TBC1D19: variants seen among roughly 807,000 people sequenced by gnomAD.
TBC1D19 encodes TBC1 domain family member 19.
TBC1D19 carries 60 observed loss-of-function variants against 89.0 expected under a neutral mutation model. The ratio of observed to expected loss-of-function variants is 0.67; its 90% CI spans 0.55 to 0.84. The LOEUF (loss-of-function observed/expected upper bound fraction) is 0.84. Among genes scored for constraint, TBC1D19 ranks in the 40% least tolerant of loss-of-function variants. TBC1D19 has a pLI of 0.00. For synonymous variants in TBC1D19, 189 were observed against 199.7 expected, an observed-to-expected ratio of 0.95 and a Z score of 0.45; for missense variants, 500 against 610.8, an observed-to-expected ratio of 0.82 and a Z score of 1.91.
the TBC1D19 span, among the ~76,000 whole-genome samples, chr4:26,825,659 C>T: frequency 6.6e-6 from 1 of 152,142 alleles, no homozygotes; most frequent in African/African-American, 2.4e-5. Context: ...TGTGGTTATA[C>T]TAGTTAAGTA....
intron 13 of TBC1D19, among the ~76,000 whole-genome samples, chr4:26,694,277 G>T (rs565012080): frequency 1.2e-4 from 19 of 152,148 alleles, no homozygotes; most frequent in Non-Finnish European, 2.5e-4. Flanking sequence ...AGGGTCCTAC[G>T]CCCACAGAGC....
At chr4:26,591,450 T>C (rs1050514800) in intron 1 of TBC1D19, among the ~76,000 whole-genome samples, 9 of 151,950 alleles carry the variant, frequency 5.9e-5, no homozygotes, top group African/African-American at 1.7e-4. Flanking sequence ...CAATTCCCCT[T>C]GAGAAAGAGA....
the TBC1D19 span, among the ~76,000 whole-genome samples, chr4:26,848,518 A>G: frequency 5.3e-5 from 8 of 152,242 alleles, no homozygotes; most frequent in Non-Finnish European, 7.3e-5. Context: ...TTGTATCTGT[A>G]GAACCACCAT....
chr4:26,720,202 A>G, intron 15 of TBC1D19, 77 bp downstream of exon 15: 1 of 1,043,410 alleles, frequency 9.6e-7, no homozygotes, highest in Non-Finnish European at 1.4e-6. Flanking sequence ...TGACTTTCTT[A>G]TTCTCTTTAA....
chr4:26,746,943 G>C (rs941355003), intron 18 of TBC1D19, among the ~76,000 whole-genome samples: 1 of 152,166 alleles, frequency 6.6e-6, no homozygotes, highest in Non-Finnish European at 1.5e-5. Flanking sequence ...TGGGTAGCAC[G>C]TACAGCATAG....
intron 4 of TBC1D19, among the ~76,000 whole-genome samples, chr4:26,622,477 T>C (rs901585076): frequency 6.6e-6 from 1 of 151,980 alleles, no homozygotes; most frequent in South Asian, 2.1e-4. Context: ...GCTGAGAATA[T>C]ATGTGAGTGA....
At chr4:26,760,624 G>A (rs1719423179), downstream of TBC1D19, among the ~76,000 whole-genome samples, 1 of 151,982 alleles carries the variant, frequency 6.6e-6, no homozygotes, top group South Asian at 2.1e-4. Flanking sequence ...GTAGCATATG[G>A]TTTGCAAAAT....
chr4:26,662,104 C>G (rs1745256158), intron 8 of TBC1D19, among the ~76,000 whole-genome samples: 2 of 152,098 alleles, frequency 1.3e-5, no homozygotes, highest in African/African-American at 4.8e-5. Context: ...GGACATTTCT[C>G]TTAGAATTTT....
chr4:26,588,595 G>T (rs1173965104), intron 1 of TBC1D19, among the ~76,000 whole-genome samples: 1 of 151,766 alleles, frequency 6.6e-6, no homozygotes, highest in East Asian at 1.9e-4. Flanking sequence ...TATAAATTAG[G>T]ATATAGTCTA....
intron 12 of TBC1D19, among the ~76,000 whole-genome samples, chr4:26,686,857 C>T (rs928617340): frequency 2.0e-5 from 3 of 152,128 alleles, no homozygotes; most frequent in Non-Finnish European, 2.9e-5. Flanking sequence ...CCATCCTCCC[C>T]TGATTGCTAC....
intron 1 of TBC1D19, among the ~76,000 whole-genome samples, chr4:26,601,726 G>C (rs1740620863): frequency 6.6e-6 from 1 of 152,190 alleles, no homozygotes; most frequent in Admixed American, 6.5e-5. Flanking sequence ...ATCTGACACA[G>C]ATGAGCAGGT....
chr4:26,629,504 T>A (rs10018869), intron 4 of TBC1D19, among the ~76,000 whole-genome samples: 29 of 152,154 alleles, frequency 1.9e-4, no homozygotes, highest in Middle Eastern at 3.4e-3. Flanking sequence ...ATAGATATTT[T>A]AAAAAAATTA....
the TBC1D19 span, among the ~76,000 whole-genome samples, chr4:26,848,119 T>C: frequency 6.6e-6 from 1 of 152,194 alleles, no homozygotes; most frequent in Admixed American, 6.5e-5. Flanking sequence ...AGATATTTGG[T>C]TAAACATTAG....
At chr4:26,817,039 C>T in the TBC1D19 span, among the ~76,000 whole-genome samples, 1 of 152,158 alleles carries the variant, frequency 6.6e-6, no homozygotes, top group Non-Finnish European at 1.5e-5. Flanking sequence ...AGGAGCAGAG[C>T]GATGTACTAT....
intron 13 of TBC1D19, among the ~76,000 whole-genome samples, chr4:26,689,280 A>G (rs1373841818): frequency 6.6e-6 from 1 of 152,100 alleles, no homozygotes; most frequent in African/African-American, 2.4e-5. Context: ...GCATAATTAA[A>G]ATTTTTTGTT....
At chr4:26,840,763 C>T in the TBC1D19 span, among the ~76,000 whole-genome samples, 1 of 152,190 alleles carries the variant, frequency 6.6e-6, no homozygotes, top group Non-Finnish European at 1.5e-5. Context: ...GAAATTCTTA[C>T]GTTATCTCTG....
chr4:26,682,415 G>C (rs183409057), intron 11 of TBC1D19, among the ~76,000 whole-genome samples: 11 of 152,242 alleles, frequency 7.2e-5, no homozygotes, highest in African/African-American at 1.7e-4. Context: ...TCAAGCCAAA[G>C]AACTATGTAT....
chr4:26,718,343 T>TA (rs1187119977), intron 14 of TBC1D19, among the ~76,000 whole-genome samples: 2 of 48,348 alleles, frequency 4.1e-5, no homozygotes, highest in Non-Finnish European at 1.3e-4. Context: ...CTTTTTCTAC[T>TA]TTTTTTAACA....
chr4:26,624,710 G>C (rs941305870), intron 4 of TBC1D19, among the ~76,000 whole-genome samples: 2 of 152,046 alleles, frequency 1.3e-5, no homozygotes, highest in Non-Finnish European at 2.9e-5. Context: ...TTTATTTTAA[G>C]GATATTTACT....
Sources: allele counts gnomAD v4.1 joint callset (sites outside exome capture counted in the v4.1 genomes callset), GRCh38; gene constraint gnomAD v4.1.1; transcripts MANE v1.5; gene names NCBI Gene and HGNC (gene_info 2026-07-23, HGNC 2026-07-21).